The following NTHL1 variants were observed in gnomAD, a reference collection of about 807,000 sequenced individuals.
The protein encoded by NTHL1 is endonuclease III-like protein 1.
In NTHL1, 32 loss-of-function variants were observed where a neutral mutation model predicts 32.3. The observed-to-expected ratio is 0.99, with a 90% confidence interval of 0.75 to 1.33. The LOEUF (loss-of-function observed/expected upper bound fraction) is 1.33. Among genes scored for constraint, NTHL1 ranks in the 40% most tolerant of loss-of-function variants. The probability of loss-of-function intolerance (pLI) is 0.00; values close to 1 mark genes in which losing one functional copy is unlikely to be tolerated. For synonymous variants in NTHL1, 188 were observed against 176.9 expected (o/e 1.06, Z -0.50); for missense variants, 501 against 414.1 (o/e 1.21, Z -1.82).
intron 1 of NTHL1, 97 bp from the exon 2 acceptor site, chr16:2,046,463 G>T: frequency 1.8e-6 from 2 of 1,111,512 alleles, no homozygotes; most frequent in Non-Finnish European, 1.3e-6. Context: ...ACTCGTTCAT[G>T]CCACAACTGT....
In NTHL1 at chr16:2,047,772, C is replaced by G. The variant is rs1456331577; in HGVS notation, c.52G>C (p.Gly18Arg). 1 of 1,587,992 alleles carries G rather than the reference C, an allele frequency of 6.3e-7. No homozygotes were observed. The highest frequency in any genetic ancestry group is 8.5e-7 in the Non-Finnish European group (1 of 1,172,502). ...MLTRSRSLGPGAGPRGCREEP... is the reference protein window; with the variant it reads ...MLTRSRSLGPRAGPRGCREEP... Reference sequence around the variant, plus strand: ...TCCCTACACCCCCGCGGCCCAGCCCCGGGTCCCAGGCTCCGGCTCCGGGTC... The same window carrying G: ...TCCCTACACCCCCGCGGCCCAGCCCGGGGTCCCAGGCTCCGGCTCCGGGTC... Residue 18 changes from glycine (G) to arginine (R), a missense_variant, in exon 1 of 6, where the codon GGG becomes CGG. Coordinates refer to ENST00000651570, the MANE Select transcript of NTHL1 (RefSeq NM_002528.7).
chr16:2,044,621 A>G lies in NTHL1; in HGVS notation c.525+9T>C, dbSNP rs2150942171. On this transcript the variant is annotated intron_variant, in intron 3 of 5. Transcript: ENST00000651570. The surrounding 1 kb of genome is among the most constrained non-coding windows in gnomAD (Gnocchi z 5.0). ...CCACCCGGCCCCCGTTGCCACAGGC[A>G]GGGCTCACCCTCCAGAAACCGACGG... The G allele has an allele frequency of 6.2e-7, 1 of 1,601,698 alleles. No individual in the cohort carries two copies. The highest frequency in any genetic ancestry group is 2.2e-5 in the East Asian group (1 of 44,872).
At position 2,044,851 on chromosome 16, in the gene NTHL1, C is replaced by T. The variant is rs1449596057; in HGVS notation, c.355-51G>A. ...GGTGGCGGCGGGTCCTGGGTGATTCCCTGGCCAGGCTCCGCCCCCCGCCCT... is the reference window on the plus strand; with the variant it reads ...GGTGGCGGCGGGTCCTGGGTGATTCTCTGGCCAGGCTCCGCCCCCCGCCCT... On this transcript the variant is annotated intron_variant, in intron 2 of 5. Transcript: ENST00000651570. The surrounding 1 kb of genome is among the most constrained non-coding windows in gnomAD (Gnocchi z 5.0). The T allele has an allele frequency of 6.6e-7, 1 of 1,524,394 alleles. No individual in the cohort carries two copies. The highest frequency in any genetic ancestry group is 8.8e-7 in the Non-Finnish European group (1 of 1,129,948). The allele number at this position is 1,524,394 out of a possible 1,614,324, so 94.4% of individuals were successfully genotyped here.
At chr16:2,040,568 T>C in intron 4 of NTHL1, 1 of 461,770 alleles carries the variant, frequency 2.2e-6, no homozygotes. Flanking sequence ...CTGGGGGTGA[T>C]GACTCGGCTC....
intron 1 of NTHL1, chr16:2,047,316 C>T (rs1391713669): frequency 2.9e-5 from 8 of 276,058 alleles, no homozygotes; most frequent in African/African-American, 1.6e-4. Flanking sequence ...TCAGAGGCAC[C>T]CTCCCCCGAG....
At position 2,040,178 on chromosome 16, in the gene NTHL1, T is replaced by C. The variant is rs373067940; in HGVS notation, c.746A>G (p.Lys249Arg). 340 of 1,613,868 alleles carry C rather than the reference T, an allele frequency of 2.1e-4. No individual in the cohort carries two copies. The highest frequency in any genetic ancestry group is 2.9e-4 in the Non-Finnish European group (338 of 1,180,032). Residue 249 changes from lysine (K) to arginine (R), a missense_variant, in exon 5 of 6, where the codon AAG (lysine) becomes AGG (arginine). Transcript: ENST00000651570. The part of the protein sequence containing the change: ...NRLRWTKKAT[K>R]SPEETRAALE... The stretch of plus-strand genomic sequence containing the variant: ...GGCGGCGCGGGTCTCCTCTGGGGAC[T>C]TGGTTGCCTTCTTGGTCCACCTCAG...
At chr16:2,041,190 C>T (rs1374747149) in intron 4 of NTHL1, among the ~76,000 whole-genome samples, 1 of 152,240 alleles carries the variant, frequency 6.6e-6, no homozygotes, top group Non-Finnish European at 1.5e-5. Context: ...GGGGAGACCA[C>T]AAGGCCTGAG....
chr16:2,047,181 C>T (rs1232251960), intron 1 of NTHL1: 1 of 156,500 alleles, frequency 6.4e-6, no homozygotes, highest in Non-Finnish European at 1.4e-5. Flanking sequence ...TGCAGAAGTC[C>T]CAGCGGGACT....
chr16:2,040,725 C>T (rs2369091), intron 4 of NTHL1, among the ~76,000 whole-genome samples: 11 of 152,306 alleles, frequency 7.2e-5, no homozygotes, highest in East Asian at 3.9e-4. Flanking sequence ...GGCAGGATCC[C>T]GACTCCGAAG....
rs144204932 is a variant in NTHL1, at chr16:2,043,580, A to C, written c.672T>G (p.Thr224=). 1.8e-5 allele frequency: 29 copies of C among 1,608,092 alleles called. No homozygotes were observed. In the African/African-American group the frequency reaches 3.6e-4, roughly 20 times the overall value. ...AHLAMAVAWG[T]VSGIAVDTHV... is the part of the protein sequence containing the mutation. ...TCCTCTACTCACCAATGCCTGACAC[A>C]GTGCCCCAGGCCACAGCCATAGCCA... Residue 224 remains threonine (T), a synonymous_variant, in exon 4 of 6, where the codon ACT becomes ACG. Coordinates refer to ENST00000651570, the MANE Select transcript of NTHL1 (RefSeq NM_002528.7). This position sits in a 1 kb window ranked among gnomAD's most constrained non-coding sequence, Gnocchi z 4.4.
rs150437839 is a variant in NTHL1 at position 2,044,709 on chromosome 16, C to G, written c.446G>C (p.Arg149Pro). 2.4e-5 allele frequency: 38 copies of G among 1,612,338 alleles called. No individual in the cohort carries two copies. In the East Asian group the frequency reaches 8.0e-4, roughly 34 times the overall value. Reference sequence around the variant, plus strand: ...CAGGATGCTGTCCACCGTCAGGCCCCGCGCCCGCAGTCGCTGCATGGCGCC... The same window carrying G: ...CAGGATGCTGTCCACCGTCAGGCCCGGCGCCCGCAGTCGCTGCATGGCGCC... Reference protein sequence around the residue: ...TAGAMQRLRARGLTVDSILQT... With the variant: ...TAGAMQRLRAPGLTVDSILQT... Residue 149 changes from arginine (R) to proline (P), a missense_variant, in exon 3 of 6, where the codon CGG becomes CCG. Coordinates refer to ENST00000651570, the MANE Select transcript of NTHL1 (RefSeq NM_002528.7). This position sits in a 1 kb window ranked among gnomAD's most constrained non-coding sequence, Gnocchi z 5.0.
At chr16:2,040,367 T>C (rs1340388947) in intron 4 of NTHL1, 129 bp from the exon 5 acceptor site, 9 of 856,620 alleles carry the variant, frequency 1.1e-5, no homozygotes, top group Non-Finnish European at 1.8e-5. Context: ...CGCAAAGCCC[T>C]GGCTGCAAGC....
At chr16:2,041,630 C>T (rs2084269793) in intron 4 of NTHL1, among the ~76,000 whole-genome samples, 2 of 147,260 alleles carry the variant, frequency 1.4e-5, no homozygotes, top group East Asian at 2.0e-4. Flanking sequence ...TTTGGTGAGA[C>T]GGAGTCACGC....
chr16:2,047,522 C>G, intron 1 of NTHL1, 187 bp downstream of exon 1: 1 of 1,031,906 alleles, frequency 9.7e-7, no homozygotes. Context: ...AACCCAGCCC[C>G]TGCGGACCGC....
intron 2 of NTHL1, 42 bp downstream of exon 2, chr16:2,046,086 C>A: frequency 6.5e-7 from 1 of 1,538,300 alleles, no homozygotes; most frequent in South Asian, 1.1e-5. Context: ...AAGGACCTTG[C>A]TAAGATGGGG....
intron 1 of NTHL1, chr16:2,047,502 G>T: frequency 1.2e-6 from 1 of 802,552 alleles, no homozygotes; most frequent in Non-Finnish European, 1.9e-6. Context: ...CAGCGGAGCG[G>T]AGCGCCCGAA....
Position 2,045,556 on chromosome 16 carries a change from C to T in NTHL1, c.354+572G>A, listed in dbSNP as rs1268448790. Among the ~76,000 whole-genome samples the T allele has an allele frequency of 2.0e-5, 3 of 152,216 alleles. No individual in the cohort carries two copies. The East Asian group carries it at 5.9e-4, about 30-fold the overall frequency. On this transcript the variant is annotated intron_variant, in intron 2 of 5. Transcript: ENST00000651570. ...GGTTCAAGCGATTTTCCTGCCTCGCCCTCCTAAGTAGCTGGGGTTACAGGT... is the reference window on the plus strand; with the variant it reads ...GGTTCAAGCGATTTTCCTGCCTCGCTCTCCTAAGTAGCTGGGGTTACAGGT...
At position 2,043,721 on chromosome 16, in the gene NTHL1, C is replaced by T. The variant is rs1329959429; in HGVS notation, c.531G>A (p.Lys177=). The T allele has an allele frequency of 6.2e-7, 1 of 1,611,740 alleles. No individual in the cohort carries two copies. The highest frequency in any genetic ancestry group is 8.5e-7 in the Non-Finnish European group (1 of 1,179,944). Residue 177 remains lysine (K), a synonymous_variant, in exon 4 of 6, where the codon AAG becomes AAA. Coordinates refer to ENST00000651570, the MANE Select transcript of NTHL1 (RefSeq NM_002528.7). This position sits in a 1 kb window ranked among gnomAD's most constrained non-coding sequence, Gnocchi z 4.4. ...CGCTGGTCTGCTTGATGTATTTCAC[C>T]TTGCTCTGAAAGACAGGGGTGGGTT... is the stretch of plus-strand genomic sequence containing the variant. ...LIYPVGFWRS[K]VKYIKQTSAI... is the part of the protein sequence containing the mutation.
intron 2 of NTHL1, among the ~76,000 whole-genome samples, chr16:2,045,443 A>T (rs2084332334): frequency 6.7e-6 from 1 of 148,304 alleles, no homozygotes; most frequent in Non-Finnish European, 1.5e-5. Context: ...TTTAAAACAA[A>T]TTTTTTTTTT....
Sources: allele counts gnomAD v4.1 joint callset (sites outside exome capture counted in the v4.1 genomes callset), GRCh38; gene constraint gnomAD v4.1.1; non-coding constraint Gnocchi (gnomAD v3.1); transcripts MANE v1.5; gene names NCBI Gene and HGNC (gene_info 2026-07-23, HGNC 2026-07-21).